The following MAD1L1 variants were observed in gnomAD, a reference collection of about 807,000 sequenced individuals.
MAD1L1 encodes mitotic arrest deficient 1 like 1, also known as mitotic spindle assembly checkpoint protein MAD1.
A neutral mutation model predicts 96.9 loss-of-function variants in MAD1L1; 95 were observed. The ratio of observed to expected loss-of-function variants is 0.98; its 90% CI spans 0.83 to 1.16. The LOEUF (loss-of-function observed/expected upper bound fraction) is 1.16, where lower values mean the gene tolerates loss of function less well. MAD1L1 is among the 50% of genes most tolerant of loss of function. The pLI, the probability that MAD1L1 is intolerant of heterozygous loss-of-function variation, is 0.00. For synonymous variants in MAD1L1, 473 were observed against 396.6 expected, an observed-to-expected ratio of 1.19 and a Z score of -2.29; for missense variants, 1,007 against 954.4, an observed-to-expected ratio of 1.06 and a Z score of -0.73.
At chr7:1,862,062 C>G (rs1400439295) in intron 18 of MAD1L1, among the ~76,000 whole-genome samples, 1 of 152,192 alleles carries the variant, frequency 6.6e-6, no homozygotes, top group African/African-American at 2.4e-5. Flanking sequence ...ACCTGCAGAG[C>G]CTCTGGCATC....
intron 15 of MAD1L1, among the ~76,000 whole-genome samples, chr7:1,965,520 A>G (rs1239028261): frequency 6.6e-6 from 1 of 152,210 alleles, no homozygotes; most frequent in African/African-American, 2.4e-5. Context: ...CTGTACCAGG[A>G]GCTCAAGGCG....
chr7:1,965,115 C>A (rs1780108208), intron 15 of MAD1L1, among the ~76,000 whole-genome samples: 1 of 152,236 alleles, frequency 6.6e-6, no homozygotes, highest in Non-Finnish European at 1.5e-5. Context: ...TGGCTCACAG[C>A]AGGCATTGAT....
chr7:2,121,720 G>A (rs1395656118), intron 11 of MAD1L1, among the ~76,000 whole-genome samples: 3 of 152,100 alleles, frequency 2.0e-5, no homozygotes, highest in Admixed American at 1.3e-4. Flanking sequence ...CGAGGGTTGG[G>A]TGGGGAGGGA....
rs56226144 is a variant in MAD1L1, at chr7:1,828,728, CGCACACAT to C, written c.1999-12508_1999-12501del. Among the ~76,000 whole-genome samples, 2 of 152,004 alleles carry C rather than the reference CGCACACAT, an allele frequency of 1.3e-5. 1 individual carries two copies. The highest frequency in any genetic ancestry group is 4.2e-4 in the South Asian group (2 of 4,812). On this transcript the variant is annotated intron_variant, in intron 18 of 18. Transcript: ENST00000265854. ...ACACACACGTGCATGCACAGGCACA[CGCACACAT>C]GCACACACAGCCTCGCAGCACTCAA...
intron 16 of MAD1L1, among the ~76,000 whole-genome samples, chr7:1,949,170 G>A (rs375012575): frequency 1.3e-5 from 2 of 152,170 alleles, no homozygotes; most frequent in South Asian, 4.1e-4. Context: ...GACACTCTGC[G>A]GTCCAGAGTG....
chr7:1,854,800 G>A (rs1784160923), intron 18 of MAD1L1, among the ~76,000 whole-genome samples: 1 of 152,184 alleles, frequency 6.6e-6, no homozygotes, highest in Non-Finnish European at 1.5e-5. Context: ...CGTCACATAC[G>A]GGGGAGACAA....
At chr7:1,956,290 G>A (rs1336076952) in intron 16 of MAD1L1, among the ~76,000 whole-genome samples, 1 of 152,066 alleles carries the variant, frequency 6.6e-6, no homozygotes, top group Non-Finnish European at 1.5e-5. Context: ...GCAGCTGGAG[G>A]GCTGTCTGGA....
intron 1 of MAD1L1, among the ~76,000 whole-genome samples, chr7:2,232,420 G>A (rs1295408055): frequency 6.6e-6 from 1 of 152,214 alleles, no homozygotes; most frequent in South Asian, 2.1e-4. Context: ...AGAGCGGACC[G>A]GCGCGAGCCA....
Position 2,158,235 on chromosome 7 carries a change from C to G in MAD1L1, c.987-8997G>C, listed in dbSNP as rs187446911. Among the ~76,000 whole-genome samples, 4 of 152,356 alleles carry G rather than the reference C, an allele frequency of 2.6e-5. No homozygotes were observed. In the East Asian group the frequency reaches 7.7e-4, roughly 29 times the overall value. The stretch of plus-strand genomic sequence containing the variant: ...GGGAGTCCGGCCTACTGCTTTCCTT[C>G]CGAGGCGAGAGCAGCTCCAGCCCAA... On this transcript the variant is annotated intron_variant, in intron 10 of 18. Transcript: ENST00000265854.
chr7:1,822,192 C>A (rs200540120), intron 18 of MAD1L1, among the ~76,000 whole-genome samples: 1 of 58,490 alleles, frequency 1.7e-5, no homozygotes, highest in African/African-American at 4.8e-5. Flanking sequence ...AAGTGAAAAA[C>A]AAAATTAAAA....
At chr7:2,168,289 GAA>G (rs1213304833) in intron 10 of MAD1L1, among the ~76,000 whole-genome samples, 2 of 130,348 alleles carry the variant, frequency 1.5e-5, no homozygotes, top group African/African-American at 6.9e-5. Flanking sequence ...TCTAAAAAAA[GAA>G]AAAAAAAGAA....
intron 12 of MAD1L1, among the ~76,000 whole-genome samples, chr7:2,044,601 G>A (rs1407310204): frequency 1.3e-5 from 2 of 152,224 alleles, no homozygotes; most frequent in African/African-American, 4.8e-5. Context: ...GGGAGGTCTG[G>A]GTCCTGAGTA....
In MAD1L1 at chr7:1,894,474, C is replaced by A. The variant is rs191374715; in HGVS notation, c.1998+3726G>T. On this transcript the variant is annotated intron_variant, in intron 18 of 18. Transcript: ENST00000265854. ...CAACAGGGATCCCGGTGCAACATGA[C>A]CCCTCCCCAGCTCCACAGGTGGCAC... Among the ~76,000 whole-genome samples the A allele has an allele frequency of 3.3e-4, 50 of 152,304 alleles. No individual in the cohort carries two copies. The East Asian group carries it at 9.3e-3, about 28-fold the overall frequency.
At chr7:2,209,271 A>C (rs1299774942) in intron 10 of MAD1L1, among the ~76,000 whole-genome samples, 1 of 152,134 alleles carries the variant, frequency 6.6e-6, no homozygotes, top group Non-Finnish European at 1.5e-5. Flanking sequence ...GAGGGTGACC[A>C]GGCCACTCTC....
chr7:1,912,819 C>A (rs148465377), intron 17 of MAD1L1, among the ~76,000 whole-genome samples: 2,200 of 152,344 alleles, frequency 0.014, 47 homozygotes, highest in African/African-American at 0.05. Context: ...CATCTGTTTC[C>A]GGAAGCTTCC....
At chr7:1,835,238 C>T (rs1156637133) in intron 18 of MAD1L1, among the ~76,000 whole-genome samples, 1 of 152,184 alleles carries the variant, frequency 6.6e-6, no homozygotes, top group Non-Finnish European at 1.5e-5. Context: ...TTGGATGCTT[C>T]TCCCTCAGAT....
intron 18 of MAD1L1, among the ~76,000 whole-genome samples, chr7:1,842,843 A>T (rs1783352442): frequency 6.6e-6 from 1 of 152,198 alleles, no homozygotes; most frequent in African/African-American, 2.4e-5. Context: ...CCCCTCGCCC[A>T]GCTGGCCCTC....
chr7:2,181,812 C>CTCTCTA (rs1554242734), intron 10 of MAD1L1, among the ~76,000 whole-genome samples: 1 of 149,322 alleles, frequency 6.7e-6, no homozygotes, highest in African/African-American at 2.5e-5. Flanking sequence ...AATGTGGTCT[C>CTCTCTA]TATATATATA....
intron 15 of MAD1L1, among the ~76,000 whole-genome samples, chr7:1,959,390 G>A (rs1171101128): frequency 2.6e-5 from 4 of 152,286 alleles, no homozygotes; most frequent in South Asian, 2.1e-4. Context: ...CAGAGGAAGC[G>A]ACGGGACAAA....
Sources: allele counts gnomAD v4.1 joint callset (sites outside exome capture counted in the v4.1 genomes callset), GRCh38; gene constraint gnomAD v4.1.1; transcripts MANE v1.5; gene names NCBI Gene and HGNC (gene_info 2026-07-23, HGNC 2026-07-21).